The following DIP2B variants were observed in gnomAD, a reference collection of about 807,000 sequenced individuals.
DIP2B encodes the protein DIP2 acetate--CoA ligase B (putative), also known as disco-interacting protein 2 homolog B.
DIP2B carries 76 observed loss-of-function variants against 198.0 expected under a neutral mutation model. The ratio of observed to expected loss-of-function variants is 0.38; its 90% CI spans 0.32 to 0.46. DIP2B has a LOEUF of 0.46. Ranked by LOEUF, DIP2B falls within the 20% of genes least tolerant of loss-of-function variation. The pLI is 0.99. For missense variants in DIP2B, 1,559 were observed against 1,978.4 expected, an observed-to-expected ratio of 0.79 and a Z score of 4.02; for synonymous variants, 701 against 739.1, an observed-to-expected ratio of 0.95 and a Z score of 0.84.
At chr12:50,512,598 C>T (rs894069241) in intron 1 of DIP2B, among the ~76,000 whole-genome samples, 3 of 152,292 alleles carry the variant, frequency 2.0e-5, no homozygotes, top group Non-Finnish European at 4.4e-5. Context: ...ATTTGAGAAG[C>T]ACATATTTTG....
intron 1 of DIP2B, among the ~76,000 whole-genome samples, chr12:50,593,491 G>C (rs1958837493): frequency 6.6e-6 from 1 of 150,502 alleles, no homozygotes; most frequent in African/African-American, 2.4e-5. Flanking sequence ...CCAACAAAAC[G>C]AGACTCTGTC....
chr12:50,567,767 A>T (rs1234437019), intron 1 of DIP2B, among the ~76,000 whole-genome samples: 3 of 152,172 alleles, frequency 2.0e-5, no homozygotes, highest in Admixed American at 6.5e-5. Flanking sequence ...ACCTCAGATG[A>T]TCTGCCCGCC....
chr12:50,565,011 AT>A (rs547239724), intron 1 of DIP2B, among the ~76,000 whole-genome samples: 9 of 148,448 alleles, frequency 6.1e-5, no homozygotes, highest in Admixed American at 6.7e-5. Context: ...TGGTGCCACT[AT>A]TTTTTTTTTG....
chr12:50,732,190 A>G (rs1349250642), intron 31 of DIP2B, among the ~76,000 whole-genome samples, 176 bp from the exon 32 acceptor site: 1 of 152,222 alleles, frequency 6.6e-6, no homozygotes, highest in Non-Finnish European at 1.5e-5. Flanking sequence ...TAGTGATTTT[A>G]ATGGGATGCC....
intron 23 of DIP2B, among the ~76,000 whole-genome samples, chr12:50,717,561 G>A (rs1939751074): frequency 6.6e-6 from 1 of 151,488 alleles, no homozygotes; most frequent in South Asian, 2.1e-4. Context: ...TAGAGACAGG[G>A]TTTCACCGCG....
intron 1 of DIP2B, among the ~76,000 whole-genome samples, chr12:50,548,034 A>C (rs763797871): frequency 6.6e-6 from 1 of 152,132 alleles, no homozygotes; most frequent in Non-Finnish European, 1.5e-5. Context: ...GCACTCCTGC[A>C]CTCCAGCCTG....
intron 25 of DIP2B, 105 bp from the exon 26 acceptor site, chr12:50,721,168 C>T: frequency 1.4e-6 from 2 of 1,472,438 alleles, no homozygotes; most frequent in Non-Finnish European, 1.8e-6. Context: ...TAAGGATAAT[C>T]TACAAAAGCA....
At chr12:50,530,207 G>C (rs1481127496) in intron 1 of DIP2B, among the ~76,000 whole-genome samples, 1 of 152,122 alleles carries the variant, frequency 6.6e-6, no homozygotes, top group Non-Finnish European at 1.5e-5. Context: ...CTCCCGAGGA[G>C]CTGGGACTAC....
At chr12:50,579,101 T>G (rs76457071) in intron 1 of DIP2B, among the ~76,000 whole-genome samples, 10,846 of 152,146 alleles carry the variant, frequency 0.071, 818 homozygotes, top group East Asian at 0.36. Flanking sequence ...GAAAAACATT[T>G]GTACAATTGT....
At chr12:50,608,137 G>A (rs1338679075) in intron 1 of DIP2B, among the ~76,000 whole-genome samples, 1 of 152,096 alleles carries the variant, frequency 6.6e-6, no homozygotes, top group South Asian at 2.1e-4. Flanking sequence ...TCAACAATTA[G>A]CAAATTAGTA....
rs772482308 is a variant in DIP2B, at chr12:50,675,339, C to G, written c.807C>G (p.Val269=). Residue 269 remains valine, a synonymous_variant, in exon 7 of 38, where the codon GTC becomes GTG. Coordinates refer to ENST00000301180, the MANE Select transcript of DIP2B (RefSeq NM_173602.3). ...TTTTTTCCCTTATAGGTGTTCCTGT[C>G]AGTAGCAGAGTATCTACAAAAATCC... is the stretch of plus-strand genomic sequence containing the variant. ...SLMDTADGVP[V]SSRVSTKIQQ... is the part of the protein sequence containing the mutation. 9.1e-5 allele frequency: 147 copies of G among 1,611,952 alleles called. No individual in the cohort carries two copies. Among genetic ancestry groups the G allele is most frequent in the Non-Finnish European group, 1.2e-4 (143 of 1,178,686 alleles).
chr12:50,624,220 T>A (rs1047235664), intron 1 of DIP2B, among the ~76,000 whole-genome samples: 2 of 152,202 alleles, frequency 1.3e-5, no homozygotes, highest in Admixed American at 1.3e-4. Context: ...TAAAACCAAC[T>A]GTTGATTAGC....
intron 19 of DIP2B, 104 bp from the exon 20 acceptor site, chr12:50,704,031 TATTAC>T (rs1939470024): frequency 1.2e-6 from 1 of 834,052 alleles, no homozygotes; most frequent in South Asian, 1.6e-5. Flanking sequence ...CTGGATTCAC[TATTAC>T]ATTATTTTTT....
At chr12:50,646,448 GTC>G (rs1938353056) in intron 3 of DIP2B, among the ~76,000 whole-genome samples, 1 of 151,212 alleles carries the variant, frequency 6.6e-6, no homozygotes, top group South Asian at 2.1e-4. Context: ...TTGAGACAGA[GTC>G]TCACTCTGTT....
At chr12:50,625,949 A>G (rs1448465928) in intron 1 of DIP2B, 27 bp from the exon 2 acceptor site, 1 of 1,608,706 alleles carries the variant, frequency 6.2e-7, no homozygotes, top group Non-Finnish European at 8.5e-7. Flanking sequence ...ATAATGCATA[A>G]CCTATTTCTG....
intron 16 of DIP2B, 35 bp from the exon 17 acceptor site, chr12:50,697,026 T>C: frequency 6.6e-7 from 1 of 1,517,374 alleles, no homozygotes; most frequent in Non-Finnish European, 9.1e-7. Context: ...AAAAGCATAA[T>C]TTCAGCTTCA....
chr12:50,678,639 A>G (rs1222283150), intron 7 of DIP2B, 40 bp from the exon 8 acceptor site: 2 of 1,591,488 alleles, frequency 1.3e-6, no homozygotes, highest in African/African-American at 2.7e-5. Flanking sequence ...GTTCATTGGT[A>G]TTTGTACTCA....
chr12:50,684,274 G>C (rs1001522715), intron 10 of DIP2B, among the ~76,000 whole-genome samples: 4 of 152,150 alleles, frequency 2.6e-5, no homozygotes, highest in African/African-American at 9.7e-5. Context: ...ATATGACCTA[G>C]GATTTCCATT....
intron 1 of DIP2B, among the ~76,000 whole-genome samples, chr12:50,518,327 C>T (rs1384766780): frequency 1.3e-5 from 2 of 151,558 alleles, no homozygotes; most frequent in African/African-American, 4.9e-5. Flanking sequence ...TGGGTTCAAG[C>T]GATTCTGCTT....
Sources: gnomAD v4.1 joint callset for allele counts (sites outside exome capture counted in the v4.1 genomes callset) on GRCh38, gnomAD v4.1.1 for gene constraint, MANE v1.5 for transcripts, NCBI Gene and HGNC (gene_info 2026-07-23, HGNC 2026-07-21) for gene names.